The following ZNF722 variants were observed in gnomAD, a reference collection of about 807,000 sequenced individuals.
ZNF722 encodes zinc finger protein 479 pseudogene.
At chr7:64,013,245 T>C in the ZNF722 span, among the ~76,000 whole-genome samples, 1 of 152,132 alleles carries the variant, frequency 6.6e-6, no homozygotes, top group African/African-American at 2.4e-5. Flanking sequence ...TTTATAATTT[T>C]ATGTTGCTAT....
chr7:64,011,843 T>G, the ZNF722 span, among the ~76,000 whole-genome samples: 2 of 152,208 alleles, frequency 1.3e-5, no homozygotes, highest in Non-Finnish European at 2.9e-5. Context: ...CTACAGAGTA[T>G]TTTCCAGCTT....
the ZNF722 span, chr7:64,005,872 G>T: frequency 1.1e-6 from 1 of 870,030 alleles, no homozygotes; most frequent in East Asian, 2.7e-5. Context: ...ATTCATTGGT[G>T]TAGAACAGAT....
chr7:63,999,627 G>C, the ZNF722 span, among the ~76,000 whole-genome samples: 1 of 152,150 alleles, frequency 6.6e-6, no homozygotes, highest in Non-Finnish European at 1.5e-5. Context: ...TGTCATCAGA[G>C]ATTAGTTGCC....
At chr7:64,013,479 TA>T in the ZNF722 span, among the ~76,000 whole-genome samples, 11 of 152,030 alleles carry the variant, frequency 7.2e-5, no homozygotes, top group Admixed American at 7.2e-4. Flanking sequence ...AGAGATTTTA[TA>T]AAACCTGTTA....
chr7:64,012,842 T>C, the ZNF722 span, among the ~76,000 whole-genome samples: 3 of 152,158 alleles, frequency 2.0e-5, no homozygotes, highest in African/African-American at 7.2e-5. Flanking sequence ...ACAAATCCCT[T>C]ATGGATGACT....
At chr7:64,002,516 T>C in the ZNF722 span, among the ~76,000 whole-genome samples, 2 of 152,218 alleles carry the variant, frequency 1.3e-5, no homozygotes, top group Non-Finnish European at 2.9e-5. Context: ...TATCATTTCA[T>C]ATGTTTTTTG....
At chr7:64,001,875 C>T in the ZNF722 span, among the ~76,000 whole-genome samples, 465 of 151,866 alleles carry the variant, frequency 3.1e-3, 4 homozygotes, top group African/African-American at 0.011. Context: ...CTTCTGGTTT[C>T]GTTGAAATAT....
chr7:64,008,145 C>T, the ZNF722 span, among the ~76,000 whole-genome samples: 3 of 152,008 alleles, frequency 2.0e-5, no homozygotes, highest in Non-Finnish European at 2.9e-5. Context: ...AGATATTAGC[C>T]CTTTGTCAGA....
the ZNF722 span, among the ~76,000 whole-genome samples, chr7:64,017,261 G>T: frequency 1.9e-3 from 292 of 152,252 alleles, 1 homozygote; most frequent in African/African-American, 6.8e-3. Flanking sequence ...GCGTGTGCCT[G>T]TAATCCCAGC....
the ZNF722 span, chr7:64,005,752 C>CA: frequency 6.6e-7 from 1 of 1,519,590 alleles, no homozygotes; most frequent in Non-Finnish European, 9.0e-7. Context: ...AGGAAAACTT[C>CA]AATACACAAT....
At chr7:64,006,339 G>A in the ZNF722 span, 2 of 1,269,034 alleles carry the variant, frequency 1.6e-6, no homozygotes, top group Non-Finnish European at 2.2e-6. Context: ...AGCGAATGAA[G>A]CAGATGACAC....
the ZNF722 span, among the ~76,000 whole-genome samples, chr7:64,009,565 A>C: frequency 6.6e-6 from 1 of 152,170 alleles, no homozygotes; most frequent in East Asian, 1.9e-4. Context: ...TGTATGTTGA[A>C]CCAGCCTTGC....
the ZNF722 span, chr7:64,015,375 C>G: frequency 6.6e-7 from 1 of 1,505,818 alleles, no homozygotes. Context: ...AAATCAACAT[C>G]AGATAATTCA....
At chr7:64,010,666 T>C in the ZNF722 span, among the ~76,000 whole-genome samples, 1 of 152,180 alleles carries the variant, frequency 6.6e-6, no homozygotes, top group African/African-American at 2.4e-5. Flanking sequence ...CTTCCAACTA[T>C]GTGGTGAATT....
chr7:64,015,450 A>G, the ZNF722 span: 3 of 1,606,454 alleles, frequency 1.9e-6, no homozygotes, highest in Non-Finnish European at 2.6e-6. Flanking sequence ...CTCAAACTGT[A>G]CTACACATAA....
the ZNF722 span, among the ~76,000 whole-genome samples, chr7:64,000,279 CGT>C: frequency 6.6e-6 from 1 of 150,604 alleles, no homozygotes; most frequent in East Asian, 2.0e-4. Flanking sequence ...TACAGGCATG[CGT>C]CACCACCCCA....
the ZNF722 span, among the ~76,000 whole-genome samples, chr7:63,999,920 C>A: frequency 6.6e-6 from 1 of 151,648 alleles, no homozygotes; most frequent in African/African-American, 2.4e-5. Context: ...GCTCTCGAAC[C>A]CCTGACCTGA....
the ZNF722 span, among the ~76,000 whole-genome samples, chr7:64,011,294 A>G: frequency 6.6e-6 from 1 of 152,172 alleles, no homozygotes; most frequent in Middle Eastern, 3.4e-3. Context: ...CCATCATATG[A>G]TGTTAGCTGG....
chr7:64,002,829 C>G, the ZNF722 span, among the ~76,000 whole-genome samples: 1 of 152,080 alleles, frequency 6.6e-6, no homozygotes, highest in Non-Finnish European at 1.5e-5. Flanking sequence ...TTAAAAAAGC[C>G]AACAAAAAAT....
Sources: gnomAD v4.1 joint callset for allele counts (sites outside exome capture counted in the v4.1 genomes callset) on GRCh38, gnomAD v4.1.1 for gene constraint, MANE v1.5 for transcripts, NCBI Gene and HGNC (gene_info 2026-07-23, HGNC 2026-07-21) for gene names.